Variants in SLC26A5 observed in about 807,000 individuals in gnomAD.
The protein encoded by SLC26A5 is solute carrier family 26 member 5.
Under a neutral mutation model 81.0 loss-of-function variants are expected in SLC26A5, and 51 were observed. The observed-to-expected ratio is 0.63, with a 90% CI of 0.50 to 0.80. The LOEUF is 0.80. Ranked by LOEUF, SLC26A5 falls within the 30% of genes least tolerant of loss-of-function variation. The probability of loss-of-function intolerance (pLI) is 0.00; values close to 1 mark genes in which losing one functional copy is unlikely to be tolerated. For missense variants in SLC26A5, 771 were observed against 905.8 expected, an observed-to-expected ratio of 0.85 and a Z score of 1.91; for synonymous variants, 325 against 332.8, an observed-to-expected ratio of 0.98 and a Z score of 0.25.
At chr7:103,382,816 C>G (rs543177701) in intron 14 of SLC26A5, among the ~76,000 whole-genome samples, 26 of 152,264 alleles carry the variant, frequency 1.7e-4, no homozygotes, top group Non-Finnish European at 3.2e-4. Context: ...ATCCTGCCAT[C>G]ACGTAGATGA....
intron 8 of SLC26A5, among the ~76,000 whole-genome samples, chr7:103,402,478 C>A (rs529336388): frequency 6.7e-6 from 1 of 149,956 alleles, no homozygotes; most frequent in African/African-American, 2.5e-5. Flanking sequence ...TGGCTCACTG[C>A]AACCTCTGCC....
At chr7:103,421,891 C>A (rs1321626280) in intron 2 of SLC26A5, among the ~76,000 whole-genome samples, 2 of 152,112 alleles carry the variant, frequency 1.3e-5, no homozygotes, top group Admixed American at 6.6e-5. Flanking sequence ...CAATTTTGAC[C>A]AGCTATATGT....
intron 19 of SLC26A5, among the ~76,000 whole-genome samples, chr7:103,359,950 A>G (rs1820281648): frequency 6.6e-6 from 1 of 151,916 alleles, no homozygotes; most frequent in Non-Finnish European, 1.5e-5. Context: ...GCGTGGTGGC[A>G]GGCGCCTGTA....
At chr7:103,369,869 A>G (rs1820931215), downstream of SLC26A5, among the ~76,000 whole-genome samples, 2 of 152,246 alleles carry the variant, frequency 1.3e-5, no homozygotes, top group African/African-American at 4.8e-5. Context: ...CTCCGTTTTC[A>G]TGATGCTTCT....
At chr7:103,382,394 G>C (rs56235380) in intron 14 of SLC26A5, among the ~76,000 whole-genome samples, 1 of 140,304 alleles carries the variant, frequency 7.1e-6, no homozygotes, top group Admixed American at 7.4e-5. Flanking sequence ...CTGTTGCCCA[G>C]GCTGGAGTGC....
chr7:103,388,153 T>C (rs1217266247), intron 14 of SLC26A5, among the ~76,000 whole-genome samples: 1 of 151,860 alleles, frequency 6.6e-6, no homozygotes, highest in South Asian at 2.1e-4. Flanking sequence ...AGGGCTGGAA[T>C]TGGGATTATA....
At chr7:103,425,142 C>T (rs1825624709) in intron 2 of SLC26A5, among the ~76,000 whole-genome samples, 1 of 152,174 alleles carries the variant, frequency 6.6e-6, no homozygotes, top group Non-Finnish European at 1.5e-5. Flanking sequence ...AGGGTGGTCA[C>T]TTACCACTCC....
chr7:103,384,054 C>A (rs1210360707), intron 14 of SLC26A5, among the ~76,000 whole-genome samples: 1 of 151,878 alleles, frequency 6.6e-6, no homozygotes, highest in Non-Finnish European at 1.5e-5. Flanking sequence ...TCCTTTGAGC[C>A]CAGGAATTCA....
At chr7:103,403,683 T>C (rs1263200528) in intron 8 of SLC26A5, among the ~76,000 whole-genome samples, 2 of 151,306 alleles carry the variant, frequency 1.3e-5, no homozygotes, top group African/African-American at 4.9e-5. Flanking sequence ...AGACTAGAAC[T>C]GCAATCCCCT....
intron 19 of SLC26A5, among the ~76,000 whole-genome samples, chr7:103,376,149 C>T (rs551893635): frequency 5.3e-5 from 8 of 151,664 alleles, no homozygotes; most frequent in Non-Finnish European, 1.0e-4. Flanking sequence ...GATGTTGGCT[C>T]ACTGCAACTT....
chr7:103,354,485 C>A (rs1819921199), intron 19 of SLC26A5, among the ~76,000 whole-genome samples: 1 of 151,528 alleles, frequency 6.6e-6, no homozygotes, highest in Non-Finnish European at 1.5e-5. Context: ...TCTCCTGCCT[C>A]AGCCTCCTGA....
chr7:103,416,579 T>A (rs1160773510), intron 4 of SLC26A5, among the ~76,000 whole-genome samples: 1 of 152,220 alleles, frequency 6.6e-6, no homozygotes, highest in Non-Finnish European at 1.5e-5. Flanking sequence ...GTTCCCTTGC[T>A]TTTAGCCTTT....
At chr7:103,442,144 T>C (rs1011565237) in intron 2 of SLC26A5, among the ~76,000 whole-genome samples, 1 of 120,130 alleles carries the variant, frequency 8.3e-6, no homozygotes. Flanking sequence ...CACTCTTTTT[T>C]TTTTAATTTT....
intron 19 of SLC26A5, among the ~76,000 whole-genome samples, chr7:103,364,954 C>CGTACATATATATAT (rs1486934625): frequency 1.8e-3 from 72 of 38,964 alleles, no homozygotes; most frequent in Non-Finnish European, 2.9e-3. Context: ...TGTTTGTAGA[C>CGTACATATATATAT]ATACATATAT....
intron 4 of SLC26A5, among the ~76,000 whole-genome samples, chr7:103,414,192 T>C (rs1218401552): frequency 9.6e-4 from 102 of 106,506 alleles, no homozygotes; most frequent in African/African-American, 4.4e-3. Flanking sequence ...GCCCCCCCCT[T>C]TTTTTTTTTT....
At chr7:103,413,171 G>A in intron 4 of SLC26A5, 59 bp from the exon 5 acceptor site, 1 of 1,163,408 alleles carries the variant, frequency 8.6e-7, no homozygotes, top group Non-Finnish European at 1.3e-6. Flanking sequence ...GGTGTTACAT[G>A]TGTTTTTCTC....
chr7:103,379,480 G>C, intron 15 of SLC26A5, 145 bp from the exon 16 acceptor site: 626 of 251,660 alleles, frequency 2.5e-3, no homozygotes, highest in East Asian at 3.6e-3. Flanking sequence ...GTCACACACA[G>C]ACCAAAAAAA....
At chr7:103,358,903 A>G (rs1364146407) in intron 19 of SLC26A5, among the ~76,000 whole-genome samples, 2 of 152,154 alleles carry the variant, frequency 1.3e-5, no homozygotes, top group Middle Eastern at 3.4e-3. Context: ...ATTATTTTGA[A>G]AAAGTTTCCA....
chr7:103,413,279 TAG>T (rs2116666614), intron 4 of SLC26A5, among the ~76,000 whole-genome samples, 167 bp from the exon 5 acceptor site: 1 of 151,462 alleles, frequency 6.6e-6, no homozygotes, highest in South Asian at 2.1e-4. Context: ...TTGGTGCTGA[TAG>T]AGTCCAAGCT....
Sources: gnomAD v4.1 joint callset for allele counts (sites outside exome capture counted in the v4.1 genomes callset) on GRCh38, gnomAD v4.1.1 for gene constraint, MANE v1.5 for transcripts, NCBI Gene and HGNC (gene_info 2026-07-23, HGNC 2026-07-21) for gene names.